The following RYR2 variants were observed in gnomAD, a reference collection of about 807,000 sequenced individuals.
The protein encoded by RYR2 is ryanodine receptor 2, also known as cardiac muscle ryanodine receptor-calcium release channel.
A neutral mutation model predicts 601.1 loss-of-function variants in RYR2; 227 were observed. The ratio of observed to expected loss-of-function variants is 0.38; its 90% CI spans 0.34 to 0.42. RYR2 has a LOEUF of 0.42. Among genes scored for constraint, RYR2 ranks in the 10% least tolerant of loss-of-function variants. The pLI is 1.00. For missense variants in RYR2, 4,646 were observed against 6,156.5 expected (o/e 0.75, Z 8.21); for synonymous variants, 2,223 against 2,175.1 (o/e 1.02, Z -0.61).
chr1:237,700,078 A>G, intron 64 of RYR2, 151 bp from the exon 65 acceptor site: 1 of 599,566 alleles, frequency 1.7e-6, no homozygotes, highest in Non-Finnish European at 3.0e-6. Context: ...CTTCAAGTAT[A>G]TTGAAAAAAT....
intron 2 of RYR2, among the ~76,000 whole-genome samples, chr1:237,288,450 G>A (rs537628304): frequency 5.3e-5 from 8 of 151,670 alleles, no homozygotes; most frequent in Admixed American, 1.3e-4. Context: ...GGCTAGGCAC[G>A]TTTGAGCTCA....
Position 237,106,044 on chromosome 1 carries a change from G to C in RYR2, c.48+63475G>C, listed in dbSNP as rs894732719. On this transcript the variant is annotated intron_variant, in intron 1 of 104. Transcript: ENST00000366574. The surrounding 1 kb of genome is among the most constrained non-coding windows in gnomAD (Gnocchi z 4.4). ...GTGTGCAGCAGGACTGGGGCACAGTGGTGGGGAGGCCAGAGGGGCTGCGGG... is the reference window on the plus strand; with the variant it reads ...GTGTGCAGCAGGACTGGGGCACAGTCGTGGGGAGGCCAGAGGGGCTGCGGG... Among the ~76,000 whole-genome samples, 2 of 152,034 alleles carry C rather than the reference G, an allele frequency of 1.3e-5. No individual in the cohort carries two copies. The highest frequency in any genetic ancestry group is 1.9e-4 in the East Asian group (1 of 5,162).
intron 1 of RYR2, among the ~76,000 whole-genome samples, chr1:237,192,685 C>A (rs268786): frequency 0.95 from 144,158 of 152,308 alleles, 68,541 homozygotes; most frequent in Non-Finnish European, 0.99. Flanking sequence ...CTTAAAATTC[C>A]AGAAAGGAAG....
chr1:237,481,330 G>A (rs1188813102), intron 17 of RYR2, among the ~76,000 whole-genome samples: 1 of 151,884 alleles, frequency 6.6e-6, no homozygotes, highest in Non-Finnish European at 1.5e-5. Context: ...ATCTTATATT[G>A]AGACTCAAAT....
At chr1:237,054,440 C>A (rs1661721707) in intron 1 of RYR2, among the ~76,000 whole-genome samples, 1 of 151,358 alleles carries the variant, frequency 6.6e-6, no homozygotes, top group Non-Finnish European at 1.5e-5. Context: ...GTTATCTGTG[C>A]TTTTCACTTG....
At chr1:237,735,526 A>T (rs1486800428) in intron 79 of RYR2, among the ~76,000 whole-genome samples, 2 of 152,200 alleles carry the variant, frequency 1.3e-5, no homozygotes, top group African/African-American at 2.4e-5. Context: ...AAGACAGGTT[A>T]CAGGACATAA....
chr1:237,650,346 A>G (rs556517482), intron 50 of RYR2, among the ~76,000 whole-genome samples: 1 of 152,214 alleles, frequency 6.6e-6, no homozygotes, highest in African/African-American at 2.4e-5. Flanking sequence ...CAGTTACAGA[A>G]TACTATTCTG....
intron 79 of RYR2, among the ~76,000 whole-genome samples, chr1:237,735,445 G>C (rs1421500466): frequency 1.3e-5 from 2 of 152,162 alleles, no homozygotes; most frequent in Non-Finnish European, 2.9e-5. Flanking sequence ...ATTCTGGTGA[G>C]AAGGAGCCAA....
chr1:237,493,227 A>G (rs1663611485), intron 19 of RYR2, 140 bp downstream of exon 19: 1 of 956,642 alleles, frequency 1.0e-6, no homozygotes, highest in Admixed American at 2.5e-5. Context: ...AGTGAATAAT[A>G]TGTCTTTTTC....
chr1:237,808,799 C>T (rs540961760), intron 99 of RYR2, 102 bp from the exon 100 acceptor site: 47 of 1,062,434 alleles, frequency 4.4e-5, no homozygotes, highest in Admixed American at 3.4e-4. Context: ...CTAGTAAACA[C>T]GGCTGTGTTC....
At chr1:237,494,860 A>G (rs1360107817) in intron 19 of RYR2, among the ~76,000 whole-genome samples, 4 of 152,078 alleles carry the variant, frequency 2.6e-5, no homozygotes, top group Admixed American at 6.6e-5. Context: ...GCATGGTCTC[A>G]GCTCACTGCA....
At chr1:237,056,815 G>C (rs142208936) in intron 1 of RYR2, among the ~76,000 whole-genome samples, 4,146 of 152,226 alleles carry the variant, frequency 0.027, 177 homozygotes, top group African/African-American at 0.093. Context: ...GCACCTGTGA[G>C]GACTGGAGCA....
chr1:237,825,571 AACCTAGGCAAAT>A (rs968267732), intron 101 of RYR2, among the ~76,000 whole-genome samples: 110 of 152,324 alleles, frequency 7.2e-4, no homozygotes, highest in African/African-American at 2.4e-3. Flanking sequence ...TCCAGAAAAA[AACCTAGGCAAAT>A]ACCATTCAGG....
At chr1:237,639,670 T>C (rs1206851849) in intron 46 of RYR2, among the ~76,000 whole-genome samples, 2 of 152,100 alleles carry the variant, frequency 1.3e-5, no homozygotes, top group Admixed American at 6.5e-5. Context: ...TTTGTTGAGG[T>C]ACAGAAGACA....
chr1:237,423,505 A>G (rs1189557609), intron 12 of RYR2, among the ~76,000 whole-genome samples: 2 of 152,248 alleles, frequency 1.3e-5, no homozygotes, highest in Non-Finnish European at 2.9e-5. Flanking sequence ...TGCATAAATC[A>G]TACTGTATAC....
chr1:237,614,591 C>T lies in RYR2; in HGVS notation c.5463C>T (p.Leu1821=). 6.2e-7 allele frequency: 1 copy of T among 1,614,046 alleles called. No individual in the cohort carries two copies. The highest frequency in any genetic ancestry group is 8.5e-7 in the Non-Finnish European group (1 of 1,179,898). ...GGTTEFLFVP[L]IKLFYTLLIM... ...CTACTGAATTCCTCTTTGTACCTCT[C>T]ATCAAGCTTTTCTATACCCTGCTGA... Residue 1821 remains leucine, a synonymous_variant, in exon 37 of 105, where the codon CTC becomes CTT. Transcript: ENST00000366574. The surrounding 1 kb of genome is among the most constrained non-coding windows in gnomAD (Gnocchi z 4.3).
At position 237,233,387 on chromosome 1, in the gene RYR2, C is replaced by T. The variant is rs993090037; in HGVS notation, c.49-37110C>T. Among the ~76,000 whole-genome samples the T allele has an allele frequency of 3.9e-5, 6 of 152,124 alleles. No individual in the cohort carries two copies. In the East Asian group the frequency reaches 7.7e-4, roughly 20 times the overall value. Reference sequence around the variant, plus strand: ...CACAAGCTCAGCTACATCAGTTGAACAAAACTTTGTGTTATTTTGGGGAGA... The same window carrying T: ...CACAAGCTCAGCTACATCAGTTGAATAAAACTTTGTGTTATTTTGGGGAGA... On this transcript the variant is annotated intron_variant, in intron 1 of 104. Transcript: ENST00000366574.
At chr1:237,666,372 A>T in intron 56 of RYR2, 140 bp from the exon 57 acceptor site, 1 of 694,426 alleles carries the variant, frequency 1.4e-6, no homozygotes, top group Non-Finnish European at 2.5e-6. Flanking sequence ...TGTTTACAAC[A>T]TCATTTTGTA....
rs115310520 is a variant in RYR2, at chr1:237,394,061, G to A, written c.773+5878G>A. Among the ~76,000 whole-genome samples, 391 of 152,238 alleles carry A rather than the reference G, an allele frequency of 2.6e-3. 1 individual carries two copies. Among genetic ancestry groups the A allele is most frequent in the African/African-American group, 8.8e-3 (365 of 41,544 alleles). ...TCAACATTATACAAAAAAATCTCTCGATGATTTTCTCAATTAAAATTTAAG... is the reference window on the plus strand; with the variant it reads ...TCAACATTATACAAAAAAATCTCTCAATGATTTTCTCAATTAAAATTTAAG... On this transcript the variant is annotated intron_variant, in intron 10 of 104. Coordinates refer to ENST00000366574, the MANE Select transcript of RYR2 (RefSeq NM_001035.3).
Sources: gnomAD v4.1 joint callset for allele counts (sites outside exome capture counted in the v4.1 genomes callset) on GRCh38, gnomAD v4.1.1 for gene constraint, Gnocchi (gnomAD v3.1) non-coding constraint, MANE v1.5 for transcripts, NCBI Gene and HGNC (gene_info 2026-07-23, HGNC 2026-07-21) for gene names.